The following UGT1A6 variants were observed in gnomAD, a reference collection of about 807,000 sequenced individuals.
UGT1A6 encodes the protein UDP-glucuronosyltransferase 1A6.
In UGT1A6, 32 loss-of-function variants were observed where a neutral mutation model predicts 44.4. The observed-to-expected ratio is 0.72, with a 90% CI of 0.54 to 0.97. The LOEUF is 0.97. Ranked by LOEUF, UGT1A6 falls within the 50% of genes least tolerant of loss-of-function variation. The pLI is 0.00. For synonymous variants in UGT1A6, 238 were observed against 248.5 expected (o/e 0.96, Z 0.40); for missense variants, 685 against 661.9 (o/e 1.03, Z -0.38).
At chr2:233,746,034 G>A (rs1246019624) in intron 1 of UGT1A6, among the ~76,000 whole-genome samples, 1 of 151,740 alleles carries the variant, frequency 6.6e-6, no homozygotes, top group East Asian at 1.9e-4. Flanking sequence ...GCACTTACTT[G>A]CTGGCTTGGA....
Position 233,769,502 on chromosome 2 carries a change from T to C in UGT1A6, c.1301+1063T>C, listed in dbSNP as rs1443648635. The C allele has an allele frequency of 1.2e-6, 2 of 1,612,762 alleles. No individual in the cohort carries two copies. On this transcript the variant is annotated intron_variant, in intron 4 of 4. Transcript: ENST00000305139. The surrounding 1 kb of genome is among the most constrained non-coding windows in gnomAD (Gnocchi z 4.4). Reference sequence around the variant, plus strand: ...GTGCGTGTGTTTATGAGAGTGTCCATTGCTTTCTCCCATGGTTACCTCCTT... The same window carrying C: ...GTGCGTGTGTTTATGAGAGTGTCCACTGCTTTCTCCCATGGTTACCTCCTT...
intron 1 of UGT1A6, among the ~76,000 whole-genome samples, chr2:233,758,574 AAG>A (rs1434533042): frequency 6.6e-5 from 10 of 152,190 alleles, no homozygotes; most frequent in Admixed American, 3.3e-4. Flanking sequence ...CTAAAAAATG[AAG>A]AGTGTTTGGG....
Position 233,746,504 on chromosome 2 carries a change from C to T in UGT1A6, c.862-20530C>T, listed in dbSNP as rs747424626. 1.1e-4 allele frequency among the ~76,000 whole-genome samples: 17 copies of T among 151,868 alleles called. 1 individual carries two copies. Among genetic ancestry groups the T allele is most frequent in the East Asian group, 5.8e-4 (3 of 5,180 alleles). Reference sequence around the variant, plus strand: ...CCATGGACATGTCACTCTTTAGTAGCCCCCAAAGCAAGACCATCATATTGC... The same window carrying T: ...CCATGGACATGTCACTCTTTAGTAGTCCCCAAAGCAAGACCATCATATTGC... On this transcript the variant is annotated intron_variant, in intron 1 of 4. Transcript: ENST00000305139.
At chr2:233,760,301 C>G (rs1697391714) in intron 1 of UGT1A6, 1 of 1,613,532 alleles carries the variant, frequency 6.2e-7, no homozygotes, top group South Asian at 1.1e-5. Flanking sequence ...GCTGTGGAGT[C>G]CCAGGGCGGA....
intron 1 of UGT1A6, among the ~76,000 whole-genome samples, chr2:233,751,911 A>T (rs1694846299): frequency 6.6e-6 from 1 of 152,190 alleles, no homozygotes; most frequent in African/African-American, 2.4e-5. Context: ...GAACAGACTA[A>T]TACAAGATTG....
chr2:233,716,339 C>A (rs998115073), intron 1 of UGT1A6, among the ~76,000 whole-genome samples: 4 of 152,212 alleles, frequency 2.6e-5, no homozygotes, highest in African/African-American at 9.7e-5. Context: ...CAGGTTTGCG[C>A]AACTACAATG....
intron 1 of UGT1A6, chr2:233,755,466 T>C: frequency 4.1e-6 from 1 of 241,540 alleles, no homozygotes; most frequent in Non-Finnish European, 8.3e-6. Context: ...CCCTGCTCTC[T>C]GTGAGGCTCT....
rs1300409314 is a variant in UGT1A6, at chr2:233,693,558, G to A, written c.554G>A (p.Ser185Asn). Residue 185 changes from serine (S) to asparagine (N), a missense_variant, in exon 1 of 5, where the codon AGC becomes AAC. Ser to Asn is a conservative substitution (Grantham distance 46). Transcript: ENST00000305139. Reference protein sequence around the residue: ...PCSLEHTFSRSPDPVSYIPRC... With the variant: ...PCSLEHTFSRNPDPVSYIPRC... The stretch of plus-strand genomic sequence containing the variant: ...TCCCTGGAGCATACATTCAGCAGAA[G>A]CCCAGACCCTGTGTCCTACATTCCC... 1.9e-6 allele frequency: 3 copies of A among 1,614,094 alleles called. No individual in the cohort carries two copies. Among genetic ancestry groups the A allele is most frequent in the African/African-American group, 2.7e-5 (2 of 74,926 alleles).
chr2:233,743,701 C>T (rs13009407), intron 1 of UGT1A6: 1 of 1,367,252 alleles, frequency 7.3e-7, no homozygotes, highest in Admixed American at 1.9e-5. Context: ...CGCCCTCCGC[C>T]CCCGCCTCGC....
At chr2:233,760,745 T>A (rs1697549301) in intron 1 of UGT1A6, 1 of 1,614,020 alleles carries the variant, frequency 6.2e-7, no homozygotes, top group Non-Finnish European at 8.5e-7. Flanking sequence ...ACGGACCCTT[T>A]CCTTCCTTGC....
At chr2:233,757,543 T>TACATATACATATAC (rs1320189051) in intron 1 of UGT1A6, among the ~76,000 whole-genome samples, 2 of 117,340 alleles carry the variant, frequency 1.7e-5, no homozygotes, top group African/African-American at 7.1e-5. Flanking sequence ...GGAATATATA[T>TACATATACATATAC]ATATATATAT....
chr2:233,708,424 T>A (rs1288972358), intron 1 of UGT1A6: 2 of 152,202 alleles, frequency 1.3e-5, no homozygotes, highest in African/African-American at 4.8e-5. Context: ...CCAGTGAAGA[T>A]AAGAACTGGT....
At chr2:233,725,435 A>G (rs1455918541) in intron 1 of UGT1A6, among the ~76,000 whole-genome samples, 2 of 151,954 alleles carry the variant, frequency 1.3e-5, no homozygotes, top group Non-Finnish European at 2.9e-5. Context: ...AATATAATGT[A>G]AGCCACATAC....
rs377063392 is a variant in UGT1A6, at chr2:233,724,823, G to A, written c.861+30958G>A. Among the ~76,000 whole-genome samples, 2 of 135,304 alleles carry A rather than the reference G, an allele frequency of 1.5e-5. 1 individual carries two copies. Among genetic ancestry groups the A allele is most frequent in the Non-Finnish European group, 3.1e-5 (2 of 64,184 alleles). 88.8% of individuals were successfully genotyped at this position (135,304 alleles called of 152,430 possible). A position where few individuals can be genotyped will look rare whatever the true frequency, so the allele number is the denominator to read the frequency against. On this transcript the variant is annotated intron_variant, in intron 1 of 4. Transcript: ENST00000305139. ...GCGGCCGGGCAGAGGCTGCAATCTC[G>A]GCACTTTGGGAGGCCAAGGCAGGCG...
intron 1 of UGT1A6, among the ~76,000 whole-genome samples, chr2:233,700,492 A>G (rs770742590): frequency 7.9e-5 from 12 of 152,320 alleles, no homozygotes; most frequent in East Asian, 3.9e-4. Flanking sequence ...AGTACATAAA[A>G]GCCTAGAAAC....
intron 1 of UGT1A6, among the ~76,000 whole-genome samples, chr2:233,725,052 CGGCGCGCGCCTG>C (rs2077353834): frequency 6.8e-6 from 1 of 147,562 alleles, no homozygotes; most frequent in African/African-American, 2.5e-5. Flanking sequence ...TCAGGCGTGG[CGGCGCGCGCCTG>C]CAATCGCAGG....
At chr2:233,729,752 A>G in intron 1 of UGT1A6, 1 of 1,614,000 alleles carries the variant, frequency 6.2e-7, no homozygotes, top group African/African-American at 1.3e-5. Context: ...ACATTCATGC[A>G]AAGGGTCAAG....
At chr2:233,695,502 G>T (rs1032261518) in intron 1 of UGT1A6, among the ~76,000 whole-genome samples, 2 of 151,336 alleles carry the variant, frequency 1.3e-5, no homozygotes, top group African/African-American at 2.4e-5. Flanking sequence ...CAAAGTTTTT[G>T]GAGTATTACA....
chr2:233,734,814 T>C (rs1435677424), intron 1 of UGT1A6, among the ~76,000 whole-genome samples: 1 of 152,246 alleles, frequency 6.6e-6, no homozygotes, highest in East Asian at 1.9e-4. Flanking sequence ...TTCCATGTAG[T>C]TGTGCGATTT....
Sources: allele counts gnomAD v4.1 joint callset (sites outside exome capture counted in the v4.1 genomes callset), GRCh38; gene constraint gnomAD v4.1.1; non-coding constraint Gnocchi (gnomAD v3.1); transcripts MANE v1.5; gene names NCBI Gene and HGNC (gene_info 2026-07-23, HGNC 2026-07-21).